The following PLCB4 variants were observed in gnomAD, a reference collection of about 807,000 sequenced individuals.
The protein encoded by PLCB4 is 1-phosphatidylinositol 4,5-bisphosphate phosphodiesterase beta-4.
PLCB4 carries 77 observed loss-of-function variants against 178.8 expected under a neutral mutation model. The observed-to-expected ratio is 0.43, with a 90% confidence interval of 0.36 to 0.52. The LOEUF is 0.52. Ranked by LOEUF, PLCB4 falls within the 20% of genes least tolerant of loss-of-function variation. The pLI, the probability that PLCB4 is intolerant of heterozygous loss-of-function variation, is 0.00. For synonymous variants in PLCB4, 496 were observed against 490.8 expected (o/e 1.01, Z -0.14); for missense variants, 1,024 against 1,453.4 (o/e 0.70, Z 4.80).
chr20:9,070,172 AT>A (rs1177534311), intron 1 of PLCB4, among the ~76,000 whole-genome samples: 1 of 152,134 alleles, frequency 6.6e-6, no homozygotes, highest in African/African-American at 2.4e-5. Context: ...ATGATATTGA[AT>A]TTCCCCTTAA....
At chr20:9,402,705 T>C (rs1336705310) in intron 20 of PLCB4, among the ~76,000 whole-genome samples, 3 of 151,956 alleles carry the variant, frequency 2.0e-5, no homozygotes, top group Non-Finnish European at 4.4e-5. Context: ...TCAAGACATA[T>C]TGAGAAATGG....
chr20:9,123,911 C>T (rs943615538), intron 2 of PLCB4, among the ~76,000 whole-genome samples: 90 of 151,986 alleles, frequency 5.9e-4, no homozygotes, highest in African/African-American at 2.0e-3. Flanking sequence ...TGGAGTATAC[C>T]GTTTGTTGTG....
chr20:9,355,934 C>T (rs2034773902), intron 7 of PLCB4, among the ~76,000 whole-genome samples: 3 of 152,136 alleles, frequency 2.0e-5, no homozygotes, highest in Admixed American at 6.6e-5. Context: ...GTGTTCCCAC[C>T]CCTCCACATC....
chr20:9,190,746 G>A (rs1326414311), intron 2 of PLCB4, among the ~76,000 whole-genome samples: 1 of 152,172 alleles, frequency 6.6e-6, no homozygotes, highest in African/African-American at 2.4e-5. Flanking sequence ...TGAGAGCTTG[G>A]TTTGAACATT....
intron 1 of PLCB4, among the ~76,000 whole-genome samples, chr20:9,078,154 CT>C (rs2089964012): frequency 6.6e-6 from 1 of 151,574 alleles, no homozygotes; most frequent in Non-Finnish European, 1.5e-5. Flanking sequence ...CTATTTTTTT[CT>C]GTTTTTGTAG....
At chr20:9,090,922 A>AT (rs1323879101) in intron 1 of PLCB4, among the ~76,000 whole-genome samples, 1 of 152,060 alleles carries the variant, frequency 6.6e-6, no homozygotes, top group South Asian at 2.1e-4. Flanking sequence ...TATACATGCA[A>AT]TTTGTTTTCT....
chr20:9,150,111 G>A (rs1488782104), intron 2 of PLCB4, among the ~76,000 whole-genome samples: 2 of 152,188 alleles, frequency 1.3e-5, no homozygotes, highest in African/African-American at 4.8e-5. Context: ...CTGAAGCAGT[G>A]TCTGGGCGTC....
intron 2 of PLCB4, among the ~76,000 whole-genome samples, chr20:9,098,143 A>C (rs1600383960): frequency 6.6e-6 from 1 of 152,196 alleles, no homozygotes; most frequent in East Asian, 1.9e-4. Flanking sequence ...TATTTATTTA[A>C]ATGTTGGCTT....
In PLCB4 at chr20:9,390,547, A is replaced by G. The variant is rs1483701719; in HGVS notation, c.1255A>G (p.Lys419Glu). Residue 419 changes from lysine to glutamate, a missense_variant, in exon 17 of 40, where the codon AAG becomes GAG. Coordinates refer to ENST00000378473, the MANE Select transcript of PLCB4 (RefSeq NM_001377142.1). ...TCTCTCCAGCAAATATCAACAGTACAAGATGTCCAAATATTGCGAAGATCT... is the reference window on the plus strand; with the variant it reads ...TCTCTCCAGCAAATATCAACAGTACGAGATGTCCAAATATTGCGAAGATCT... Reference protein sequence around the residue: ...ENHCSKYQQYKMSKYCEDLFG... With the variant: ...ENHCSKYQQYEMSKYCEDLFG... The G allele has an allele frequency of 6.3e-7, 1 of 1,577,198 alleles. No individual in the cohort carries two copies.
chr20:9,450,765 C>T (rs1352624835), intron 32 of PLCB4, among the ~76,000 whole-genome samples: 2 of 150,090 alleles, frequency 1.3e-5, no homozygotes, highest in African/African-American at 4.9e-5. Context: ...TCTCGTCCCT[C>T]AGCCTCCAGA....
chr20:9,119,540 G>A (rs2091892631), intron 2 of PLCB4, among the ~76,000 whole-genome samples: 1 of 150,194 alleles, frequency 6.7e-6, no homozygotes, highest in Non-Finnish European at 1.5e-5. Context: ...AAACAAAGTA[G>A]TCACTCCATA....
chr20:9,325,563 C>T (rs1347059715), intron 4 of PLCB4, among the ~76,000 whole-genome samples: 1 of 152,188 alleles, frequency 6.6e-6, no homozygotes, highest in Non-Finnish European at 1.5e-5. Flanking sequence ...AGAGACACTT[C>T]AGGGAGGGAA....
At chr20:9,219,846 T>C (rs1192186455) in intron 3 of PLCB4, among the ~76,000 whole-genome samples, 3 of 152,238 alleles carry the variant, frequency 2.0e-5, no homozygotes, top group Non-Finnish European at 4.4e-5. Flanking sequence ...ATGCCTGCTT[T>C]ACTTCCCCAC....
intron 30 of PLCB4, among the ~76,000 whole-genome samples, chr20:9,442,711 G>T (rs2042182260): frequency 6.6e-6 from 1 of 152,056 alleles, no homozygotes; most frequent in Non-Finnish European, 1.5e-5. Context: ...GCCTTACCCT[G>T]CCTCAGTCAC....
intron 12 of PLCB4, among the ~76,000 whole-genome samples, chr20:9,376,104 T>C (rs1188693192): frequency 6.6e-6 from 1 of 152,090 alleles, no homozygotes; most frequent in Non-Finnish European, 1.5e-5. Context: ...CAACACTGAC[T>C]AGATTTTCAG....
chr20:9,365,447 C>T lies in PLCB4; in HGVS notation c.450-14C>T. ...AAGAAACATTAAGGCAATGTTATTG[C>T]TATTGTTTTGCAGCTGGATGAAATT... On this transcript the variant is annotated splice_polypyrimidine_tract_variant and intron_variant, in intron 8 of 39. Coordinates refer to ENST00000378473, the MANE Select transcript of PLCB4 (RefSeq NM_001377142.1). 6.3e-7 allele frequency: 1 copy of T among 1,574,934 alleles called. No homozygotes were observed.
chr20:9,419,265 C>G (rs1005965500), intron 25 of PLCB4, among the ~76,000 whole-genome samples: 2 of 152,036 alleles, frequency 1.3e-5, no homozygotes, highest in African/African-American at 4.8e-5. Context: ...AGACAACAAT[C>G]CACAGTCACA....
intron 2 of PLCB4, among the ~76,000 whole-genome samples, chr20:9,112,941 A>G (rs572035688): frequency 9.9e-5 from 15 of 152,130 alleles, no homozygotes; most frequent in African/African-American, 3.6e-4. Context: ...TACCCTTTCC[A>G]CAAAAGCAGG....
chr20:9,450,658 CT>C lies in PLCB4; in HGVS notation c.2881-2669del, dbSNP rs60982044. ...ACTCAGTTTTCTTTTCTTTTCTTTT[CT>C]TTTTTTTTTTTTTTTTTTTGAGATG... On this transcript the variant is annotated intron_variant, in intron 32 of 39. Transcript: ENST00000378473. 2.5e-3 allele frequency among the ~76,000 whole-genome samples: 254 copies of C among 100,272 alleles called. 2 individuals carry two copies. The highest frequency in any genetic ancestry group is 0.021 in the South Asian group (63 of 3,052). 65.8% of individuals were successfully genotyped at this position (100,272 alleles called of 152,430 possible). A position where few individuals can be genotyped will look rare whatever the true frequency, so the allele number is the denominator to read the frequency against.
Sources: gnomAD v4.1 joint callset for allele counts (sites outside exome capture counted in the v4.1 genomes callset) on GRCh38, gnomAD v4.1.1 for gene constraint, MANE v1.5 for transcripts, NCBI Gene and HGNC (gene_info 2026-07-23, HGNC 2026-07-21) for gene names.